The following LRRTM3 variants were observed in gnomAD, a reference collection of about 807,000 sequenced individuals.
LRRTM3 encodes the protein leucine-rich repeat transmembrane neuronal protein 3.
Under a neutral mutation model 44.7 loss-of-function variants are expected in LRRTM3, and 24 were observed. The ratio of observed to expected loss-of-function variants is 0.54; its 90% confidence interval spans 0.39 to 0.76. The LOEUF (loss-of-function observed/expected upper bound fraction) is 0.76, where lower values mean the gene tolerates loss of function less well. Ranked by LOEUF, LRRTM3 falls within the 30% of genes least tolerant of loss-of-function variation. The probability of loss-of-function intolerance (pLI) is 0.00; values close to 1 mark genes in which losing one functional copy is unlikely to be tolerated. For missense variants in LRRTM3, 587 were observed against 702.2 expected, an observed-to-expected ratio of 0.84 and a Z score of 1.85; for synonymous variants, 277 against 278.7, an observed-to-expected ratio of 0.99 and a Z score of 0.06.
intron 2 of LRRTM3, among the ~76,000 whole-genome samples, chr10:67,040,225 T>C (rs900607440): frequency 6.6e-6 from 1 of 152,164 alleles, no homozygotes; most frequent in African/African-American, 2.4e-5. Flanking sequence ...CTCTGTGAAC[T>C]TGACATTTGC....
At chr10:66,962,424 T>G (rs573641331) in intron 2 of LRRTM3, among the ~76,000 whole-genome samples, 115 of 151,720 alleles carry the variant, frequency 7.6e-4, no homozygotes, top group African/African-American at 1.3e-3. Flanking sequence ...TTTTGTTTTT[T>G]TTTTGAGACA....
At chr10:66,955,169 G>C (rs1044701808) in intron 2 of LRRTM3, among the ~76,000 whole-genome samples, 4 of 152,024 alleles carry the variant, frequency 2.6e-5, no homozygotes, top group African/African-American at 9.7e-5. Flanking sequence ...CTTACTCTGA[G>C]TATTGTTTCC....
intron 2 of LRRTM3, among the ~76,000 whole-genome samples, chr10:66,963,056 C>T (rs12252522): frequency 0.019 from 2,828 of 152,260 alleles, 78 homozygotes; most frequent in African/African-American, 0.065. Flanking sequence ...GTAAGACTCA[C>T]ACATACTTCT....
chr10:67,064,158 A>G (rs1473989760), intron 2 of LRRTM3, among the ~76,000 whole-genome samples: 1 of 152,168 alleles, frequency 6.6e-6, no homozygotes, highest in Non-Finnish European at 1.5e-5. Flanking sequence ...GAATATGATA[A>G]CTACTTATCT....
At chr10:67,023,078 G>A (rs1314581073) in intron 2 of LRRTM3, among the ~76,000 whole-genome samples, 1 of 152,134 alleles carries the variant, frequency 6.6e-6, no homozygotes, top group Non-Finnish European at 1.5e-5. Context: ...CCCCAGTTGA[G>A]CTATGTATCT....
At chr10:67,046,575 A>T (rs1854756852) in intron 2 of LRRTM3, among the ~76,000 whole-genome samples, 1 of 152,192 alleles carries the variant, frequency 6.6e-6, no homozygotes, top group Non-Finnish European at 1.5e-5. Context: ...AGAATCAATT[A>T]TTGACATTTT....
chr10:67,040,890 A>T (rs574472148), intron 2 of LRRTM3, among the ~76,000 whole-genome samples: 2 of 152,250 alleles, frequency 1.3e-5, no homozygotes, highest in South Asian at 4.1e-4. Flanking sequence ...AAAGAGACAA[A>T]GATAAAAAAG....
intron 2 of LRRTM3, among the ~76,000 whole-genome samples, chr10:66,953,784 A>AT (rs533911839): frequency 6.6e-6 from 1 of 152,216 alleles, no homozygotes; most frequent in African/African-American, 2.4e-5. Context: ...TATAAGTTTT[A>AT]TTTTTTTAAA....
chr10:66,999,322 T>C (rs1187659105), intron 2 of LRRTM3, among the ~76,000 whole-genome samples: 1 of 152,148 alleles, frequency 6.6e-6, no homozygotes, highest in Non-Finnish European at 1.5e-5. Flanking sequence ...CACTGGAATC[T>C]GAAATTATCA....
At chr10:67,001,105 A>C (rs2060842445) in intron 2 of LRRTM3, among the ~76,000 whole-genome samples, 1 of 151,906 alleles carries the variant, frequency 6.6e-6, no homozygotes, top group Non-Finnish European at 1.5e-5. Flanking sequence ...GATCGAGACC[A>C]TCCTGGCCAA....
chr10:67,043,483 A>G (rs551300561), intron 2 of LRRTM3, among the ~76,000 whole-genome samples: 78 of 152,228 alleles, frequency 5.1e-4, no homozygotes, highest in African/African-American at 1.8e-3. Flanking sequence ...GCTGCATGTC[A>G]TTTAGCTCTT....
chr10:67,054,552 A>G (rs1855307376), intron 2 of LRRTM3: 1 of 152,128 alleles, frequency 6.6e-6, no homozygotes, highest in Non-Finnish European at 1.5e-5. Flanking sequence ...TTAATGCCTT[A>G]TTGGTTCCCT....
chr10:67,072,647 G>T (rs2131852351), intron 2 of LRRTM3, among the ~76,000 whole-genome samples: 1 of 152,272 alleles, frequency 6.6e-6, no homozygotes, highest in South Asian at 2.1e-4. Context: ...ATACTTGTAA[G>T]CCATGACACT....
chr10:66,996,066 T>C (rs1190758703), intron 2 of LRRTM3, among the ~76,000 whole-genome samples: 3 of 152,200 alleles, frequency 2.0e-5, no homozygotes, highest in African/African-American at 4.8e-5. Flanking sequence ...TATTTTGTAA[T>C]ATTATCCTAC....
intron 2 of LRRTM3, among the ~76,000 whole-genome samples, chr10:67,058,602 A>C (rs764086797): frequency 6.6e-6 from 1 of 152,098 alleles, no homozygotes; most frequent in South Asian, 2.1e-4. Context: ...TTGCCCTGCA[A>C]GGCCCCTTTT....
chr10:67,072,704 C>T (rs1465922847), intron 2 of LRRTM3, among the ~76,000 whole-genome samples: 2 of 152,106 alleles, frequency 1.3e-5, no homozygotes, highest in African/African-American at 2.4e-5. Context: ...CTTCTGGGCC[C>T]TGAAAAAGTT....
chr10:67,066,151 C>T (rs986131177), intron 2 of LRRTM3, among the ~76,000 whole-genome samples: 1 of 149,950 alleles, frequency 6.7e-6, no homozygotes, highest in African/African-American at 2.5e-5. Flanking sequence ...ATCACCAGTG[C>T]TCGTTTCCCT....
At chr10:67,018,400 G>T (rs146816851) in intron 2 of LRRTM3, among the ~76,000 whole-genome samples, 254 of 152,202 alleles carry the variant, frequency 1.7e-3, no homozygotes, top group African/African-American at 5.9e-3. Flanking sequence ...TATTCAAATT[G>T]GTTATAAATG....
chr10:66,933,163 G>A (rs1402865062), intron 2 of LRRTM3, among the ~76,000 whole-genome samples: 1 of 152,196 alleles, frequency 6.6e-6, no homozygotes, highest in Non-Finnish European at 1.5e-5. Flanking sequence ...GAGCCAAAAA[G>A]AAATCAGTAA....
Sources: allele counts gnomAD v4.1 joint callset (sites outside exome capture counted in the v4.1 genomes callset), GRCh38; gene constraint gnomAD v4.1.1; transcripts MANE v1.5; gene names NCBI Gene and HGNC (gene_info 2026-07-23, HGNC 2026-07-21).